MATN2: variants seen among roughly 807,000 people sequenced by gnomAD.
MATN2 encodes the protein matrilin-2.
Under a neutral mutation model 103.2 loss-of-function variants are expected in MATN2, and 69 were observed. The observed-to-expected ratio is 0.67, with a 90% CI of 0.55 to 0.82. MATN2 has a LOEUF of 0.82. MATN2 is among the 40% of genes least tolerant of loss of function. MATN2 has a pLI of 0.00. For missense variants in MATN2, 1,023 were observed against 1,211.5 expected, an observed-to-expected ratio of 0.84 and a Z score of 2.31; for synonymous variants, 429 against 450.2, an observed-to-expected ratio of 0.95 and a Z score of 0.60.
chr8:97,989,128 G>A (rs1447985532), intron 6 of MATN2, among the ~76,000 whole-genome samples: 1 of 152,186 alleles, frequency 6.6e-6, no homozygotes, highest in Non-Finnish European at 1.5e-5. Flanking sequence ...AAAGGCATTG[G>A]ATAAGATCTG....
chr8:97,925,538 A>G (rs1160305140), intron 2 of MATN2, among the ~76,000 whole-genome samples: 1 of 152,184 alleles, frequency 6.6e-6, no homozygotes, highest in Non-Finnish European at 1.5e-5. Flanking sequence ...AGAATAAACA[A>G]GCCAACACCT....
chr8:97,943,464 C>T (rs1810643124), intron 4 of MATN2, among the ~76,000 whole-genome samples: 1 of 151,374 alleles, frequency 6.6e-6, no homozygotes, highest in Admixed American at 6.6e-5. Flanking sequence ...TCCTCCTCCT[C>T]CTTCTTCTTC....
intron 2 of MATN2, among the ~76,000 whole-genome samples, chr8:97,913,306 A>G (rs1389569011): frequency 1.3e-5 from 2 of 149,714 alleles, no homozygotes; most frequent in African/African-American, 4.9e-5. Context: ...GGACATGGAC[A>G]GCAATCGATT....
chr8:97,888,826 G>T (rs1054852958), intron 2 of MATN2, among the ~76,000 whole-genome samples: 8 of 152,188 alleles, frequency 5.3e-5, no homozygotes, highest in African/African-American at 1.9e-4. Flanking sequence ...GTTATAGGAA[G>T]GTTGGGCAGT....
intron 1 of MATN2, among the ~76,000 whole-genome samples, chr8:97,871,235 T>G (rs1817886236): frequency 6.6e-6 from 1 of 152,092 alleles, no homozygotes; most frequent in East Asian, 1.9e-4. Flanking sequence ...CCATTGGAGG[T>G]TCTGGAAAAA....
At chr8:98,012,253 T>C (rs1463517047) in intron 10 of MATN2, among the ~76,000 whole-genome samples, 1 of 152,096 alleles carries the variant, frequency 6.6e-6, no homozygotes, top group African/African-American at 2.4e-5. Flanking sequence ...CAGATTCGGT[T>C]TGTGCCCTGA....
intron 7 of MATN2, among the ~76,000 whole-genome samples, chr8:97,999,825 C>A (rs1396823404): frequency 6.6e-6 from 1 of 151,660 alleles, no homozygotes; most frequent in Non-Finnish European, 1.5e-5. Flanking sequence ...AAGCAAGCTC[C>A]AGCCACCAGT....
chr8:98,006,791 G>A (rs1294254303), intron 8 of MATN2, among the ~76,000 whole-genome samples: 3 of 152,188 alleles, frequency 2.0e-5, no homozygotes, highest in African/African-American at 7.2e-5. Context: ...GAAAGAAATG[G>A]GAAAGAAGGC....
chr8:97,949,113 A>G (rs920788221), intron 4 of MATN2, among the ~76,000 whole-genome samples: 8 of 152,108 alleles, frequency 5.3e-5, no homozygotes, highest in African/African-American at 1.9e-4. Context: ...GAAGAAGCAC[A>G]TGAAGAGATG....
At chr8:97,978,150 A>T (rs1480776848) in intron 5 of MATN2, among the ~76,000 whole-genome samples, 1 of 152,168 alleles carries the variant, frequency 6.6e-6, no homozygotes, top group Non-Finnish European at 1.5e-5. Flanking sequence ...TATCCCTAGC[A>T]CCTAAAACAG....
intron 2 of MATN2, among the ~76,000 whole-genome samples, chr8:97,909,872 C>T (rs1003238881): frequency 3.9e-5 from 6 of 152,210 alleles, no homozygotes; most frequent in Non-Finnish European, 7.4e-5. Context: ...CAAGCTCCGC[C>T]TCCCGGGTTC....
intron 6 of MATN2, among the ~76,000 whole-genome samples, chr8:97,979,289 T>C (rs1405251518): frequency 6.6e-6 from 1 of 152,230 alleles, no homozygotes; most frequent in Non-Finnish European, 1.5e-5. Context: ...AGCAACTTAC[T>C]TCCTGCTAAC....
chr8:97,950,432 G>T (rs2130218713), intron 4 of MATN2, among the ~76,000 whole-genome samples: 1 of 140,048 alleles, frequency 7.1e-6, no homozygotes, highest in Non-Finnish European at 1.6e-5. Context: ...TGTATGTGCT[G>T]TATTAGAGGT....
At chr8:97,996,478 T>A (rs1178369146) in intron 7 of MATN2, among the ~76,000 whole-genome samples, 1 of 152,144 alleles carries the variant, frequency 6.6e-6, no homozygotes, top group African/African-American at 2.4e-5. Flanking sequence ...TGCTCATCCA[T>A]GTATATTCAG....
At chr8:97,897,948 C>T (rs1818866834) in intron 2 of MATN2, among the ~76,000 whole-genome samples, 1 of 152,080 alleles carries the variant, frequency 6.6e-6, no homozygotes. Context: ...TGATTTTTTT[C>T]TCCTACAGAT....
At chr8:97,929,067 C>T (rs1479302864) in intron 2 of MATN2, among the ~76,000 whole-genome samples, 1 of 152,124 alleles carries the variant, frequency 6.6e-6, no homozygotes, top group Admixed American at 6.5e-5. Context: ...TCACCCTGGA[C>T]TCACCCAGCC....
Position 98,016,584 on chromosome 8 carries a change from T to TGTGTAAGCA in MATN2, c.1622_1630dup (p.Val541_Ser543dup). 1 of 1,611,636 alleles carries TGTGTAAGCA rather than the reference T, an allele frequency of 6.2e-7. No individual in the cohort carries two copies. The highest frequency in any genetic ancestry group is 8.5e-7 in the Non-Finnish European group (1 of 1,178,736). On this transcript the variant is annotated inframe_insertion, in exon 11 of 19. Transcript: ENST00000254898. ...GGGGGACCACGGTTGTGAACATTCGTGTGTAAGCAGTGAAGATTCGTTTGT... is the reference window on the plus strand; with the variant it reads ...GGGGGACCACGGTTGTGAACATTCGTGTGTAAGCAGTGTAAGCAGTGAAGATTCGTTTGT...
At chr8:97,928,121 C>G (rs1810053455) in intron 2 of MATN2, among the ~76,000 whole-genome samples, 1 of 152,080 alleles carries the variant, frequency 6.6e-6, no homozygotes, top group Non-Finnish European at 1.5e-5. Context: ...CCCTTGTCCT[C>G]CTTCCTGGGA....
At chr8:97,971,046 A>G (rs1811637537) in intron 5 of MATN2, among the ~76,000 whole-genome samples, 1 of 152,166 alleles carries the variant, frequency 6.6e-6, no homozygotes, top group Non-Finnish European at 1.5e-5. Flanking sequence ...ATGGAAGAGG[A>G]GTTGGTCAAC....
Sources: gnomAD v4.1 joint callset for allele counts (sites outside exome capture counted in the v4.1 genomes callset) on GRCh38, gnomAD v4.1.1 for gene constraint, MANE v1.5 for transcripts, NCBI Gene and HGNC (gene_info 2026-07-23, HGNC 2026-07-21) for gene names.